The following DNAJC1 variants were observed in gnomAD, a reference collection of about 807,000 sequenced individuals.
The protein encoded by DNAJC1 is dnaJ homolog subfamily C member 1.
A neutral mutation model predicts 76.6 loss-of-function variants in DNAJC1; 58 were observed. The observed-to-expected ratio is 0.76, with a 90% CI of 0.61 to 0.94. The LOEUF (loss-of-function observed/expected upper bound fraction) is 0.94. Among genes scored for constraint, DNAJC1 ranks in the 40% least tolerant of loss-of-function variants. The pLI is 0.00. For missense variants in DNAJC1, 689 were observed against 677.3 expected, an observed-to-expected ratio of 1.02 and a Z score of -0.19; for synonymous variants, 258 against 267.9, an observed-to-expected ratio of 0.96 and a Z score of 0.36.
intron 8 of DNAJC1, among the ~76,000 whole-genome samples, chr10:21,827,356 T>C (rs966315508): frequency 2.6e-5 from 4 of 152,196 alleles, no homozygotes; most frequent in African/African-American, 9.6e-5. Flanking sequence ...TTTAGTTTCA[T>C]TCATTTTAAC....
intron 8 of DNAJC1, among the ~76,000 whole-genome samples, chr10:21,835,680 C>T (rs1256020801): frequency 6.6e-6 from 1 of 152,168 alleles, no homozygotes; most frequent in Non-Finnish European, 1.5e-5. Context: ...GTGACGAATG[C>T]AGAAGCCTCA....
intron 8 of DNAJC1, among the ~76,000 whole-genome samples, chr10:21,860,275 G>GT (rs750182102): frequency 4.0e-5 from 6 of 151,694 alleles, no homozygotes; most frequent in African/African-American, 1.4e-4. Context: ...TTTATAAAAT[G>GT]TTTTTTACCA....
chr10:21,786,034 G>A (rs1462166154), intron 9 of DNAJC1, among the ~76,000 whole-genome samples: 1 of 152,128 alleles, frequency 6.6e-6, no homozygotes, highest in African/African-American at 2.4e-5. Context: ...GCTTTTGGAC[G>A]AGTAGATTCT....
At position 21,762,355 on chromosome 10, in the gene DNAJC1, A is replaced by G. The variant is rs191067148; in HGVS notation, c.1148-2737T>C. Among the ~76,000 whole-genome samples the G allele has an allele frequency of 9.8e-5, 15 of 152,342 alleles. No individual in the cohort carries two copies. In the East Asian group the frequency reaches 2.9e-3, roughly 29 times the overall value. ...AAATATTAATATTAAAAACAATGAG[A>G]TTGAAAAATTGCTTAATACTGGATA... On this transcript the variant is annotated intron_variant, in intron 10 of 11. Coordinates refer to ENST00000376980, the MANE Select transcript of DNAJC1 (RefSeq NM_022365.4).
intron 1 of DNAJC1, among the ~76,000 whole-genome samples, chr10:21,955,211 G>A (rs1837658480): frequency 6.6e-6 from 1 of 152,168 alleles, no homozygotes; most frequent in African/African-American, 2.4e-5. Flanking sequence ...AGGAACAAAT[G>A]ATAAACAATT....
At chr10:21,991,501 T>C (rs1838326386) in intron 1 of DNAJC1, among the ~76,000 whole-genome samples, 1 of 151,910 alleles carries the variant, frequency 6.6e-6, no homozygotes, top group Non-Finnish European at 1.5e-5. Flanking sequence ...TAACTAGGAA[T>C]ATGATAGCTA....
chr10:21,989,651 A>G (rs1034043424), intron 1 of DNAJC1, among the ~76,000 whole-genome samples: 2 of 152,194 alleles, frequency 1.3e-5, no homozygotes, highest in African/African-American at 2.4e-5. Flanking sequence ...CTGAGGCTAC[A>G]ACTTACAAAA....
chr10:21,821,537 G>A (rs762866830), intron 8 of DNAJC1, among the ~76,000 whole-genome samples: 3 of 152,084 alleles, frequency 2.0e-5, no homozygotes, highest in Admixed American at 6.6e-5. Flanking sequence ...AAGAACCCAT[G>A]AGAAAATCGA....
At chr10:21,837,056 G>A (rs532328603) in intron 8 of DNAJC1, among the ~76,000 whole-genome samples, 50 of 152,338 alleles carry the variant, frequency 3.3e-4, no homozygotes, top group Non-Finnish European at 5.1e-4. Flanking sequence ...GATTGCAGGC[G>A]TGCGCCGCCA....
At chr10:22,003,126 T>C in intron 1 of DNAJC1, 87 bp downstream of exon 1, 2 of 1,369,398 alleles carry the variant, frequency 1.5e-6, no homozygotes, top group Non-Finnish European at 1.9e-6. Flanking sequence ...AGCCCTGCCC[T>C]ACGTGTCCGG....
At chr10:21,851,104 T>A (rs1352493299) in intron 8 of DNAJC1, among the ~76,000 whole-genome samples, 1 of 152,200 alleles carries the variant, frequency 6.6e-6, no homozygotes, top group Non-Finnish European at 1.5e-5. Flanking sequence ...GATTTGACAA[T>A]GCATTCTTAG....
intron 8 of DNAJC1, among the ~76,000 whole-genome samples, chr10:21,839,847 C>G (rs993225385): frequency 1.3e-5 from 2 of 152,192 alleles, no homozygotes; most frequent in African/African-American, 4.8e-5. Flanking sequence ...ATGCAAAAAT[C>G]CTCAGTAACA....
rs888613045 is a variant in DNAJC1 at position 22,003,258 on chromosome 10, C to T, written c.177G>A (p.Val59=). The T allele has an allele frequency of 3.2e-6, 5 of 1,566,302 alleles. No homozygotes were observed. The highest frequency in any genetic ancestry group is 1.8e-5 in the Admixed American group (1 of 54,712). ...GGTAGAAGTTGAGCTGCACCTCCTC[C>T]ACTAAGTCAAACAACTCCAGGTCTC... ...ESGDLELFDL[V]EEVQLNFYQF... The change falls in exon 1 of 12, where the codon GTG becomes GTA. Residue 59 remains valine (V), a synonymous_variant. Coordinates refer to ENST00000376980, the MANE Select transcript of DNAJC1 (RefSeq NM_022365.4).
chr10:21,862,303 T>C (rs2131699719), intron 8 of DNAJC1, among the ~76,000 whole-genome samples: 1 of 152,260 alleles, frequency 6.6e-6, no homozygotes, highest in African/African-American at 2.4e-5. Flanking sequence ...GAACACTCTC[T>C]TGGGGTCTAG....
In DNAJC1 at chr10:21,766,656, C is replaced by T. The variant is rs542743075; in HGVS notation, c.1099-347G>A. On this transcript the variant is annotated intron_variant, in intron 9 of 11. Coordinates refer to ENST00000376980, the MANE Select transcript of DNAJC1 (RefSeq NM_022365.4). ...TAAGTTCTAGGGTACATATGCACAA[C>T]GGGGGCTGCCTCTTAAAAGATACTA... 2.2e-3 allele frequency among the ~76,000 whole-genome samples: 341 copies of T among 151,918 alleles called. 3 individuals are homozygous for T. Among genetic ancestry groups the T allele is most frequent in the African/African-American group, 7.8e-3 (323 of 41,426 alleles).
chr10:21,934,050 G>A (rs1300328338), intron 1 of DNAJC1, among the ~76,000 whole-genome samples: 1 of 152,036 alleles, frequency 6.6e-6, no homozygotes, highest in Non-Finnish European at 1.5e-5. Flanking sequence ...AGGTCCTTCA[G>A]GAGGTATTTC....
intron 8 of DNAJC1, among the ~76,000 whole-genome samples, chr10:21,878,905 C>A (rs1320666033): frequency 2.0e-5 from 3 of 151,970 alleles, no homozygotes; most frequent in South Asian, 4.2e-4. Flanking sequence ...CACATTTCTC[C>A]AACAAAAATA....
chr10:21,766,467 C>A (rs940717962), intron 9 of DNAJC1, among the ~76,000 whole-genome samples, 158 bp from the exon 10 acceptor site: 1 of 152,174 alleles, frequency 6.6e-6, no homozygotes, highest in Non-Finnish European at 1.5e-5. Flanking sequence ...ATGTAATTAA[C>A]AAGAAAACTG....
intron 9 of DNAJC1, among the ~76,000 whole-genome samples, chr10:21,779,009 G>A (rs1284138101): frequency 6.6e-6 from 1 of 152,212 alleles, no homozygotes; most frequent in Admixed American, 6.5e-5. Context: ...TAGCACAGCG[G>A]TCTGAGATCG....
Sources: gnomAD v4.1 joint callset for allele counts (sites outside exome capture counted in the v4.1 genomes callset) on GRCh38, gnomAD v4.1.1 for gene constraint, MANE v1.5 for transcripts, NCBI Gene and HGNC (gene_info 2026-07-23, HGNC 2026-07-21) for gene names.